Variants in ARFGEF2 observed in about 807,000 individuals in gnomAD.
ARFGEF2 encodes the protein brefeldin A-inhibited guanine nucleotide-exchange protein 2.
A neutral mutation model predicts 219.9 loss-of-function variants in ARFGEF2; 74 were observed. That is an observed-to-expected ratio of 0.34 (90% CI 0.28 to 0.41). ARFGEF2 has a LOEUF of 0.41. Among genes scored for constraint, ARFGEF2 ranks in the 10% least tolerant of loss-of-function variants. The pLI is 1.00. For missense variants in ARFGEF2, 1,743 were observed against 2,218.3 expected, an observed-to-expected ratio of 0.79 and a Z score of 4.30; for synonymous variants, 733 against 799.2, an observed-to-expected ratio of 0.92 and a Z score of 1.40.
intron 13 of ARFGEF2, among the ~76,000 whole-genome samples, 200 bp from the exon 14 acceptor site, chr20:48,975,816 T>C (rs754382352): frequency 9.7e-5 from 10 of 102,738 alleles, no homozygotes; most frequent in Non-Finnish European, 1.5e-4. Context: ...AAAAAAAGAA[T>C]TAGCTCATCA....
At chr20:48,997,950 C>G (rs749874190) in intron 23 of ARFGEF2, 1 of 495,460 alleles carries the variant, frequency 2.0e-6, no homozygotes, top group African/African-American at 1.9e-5. Flanking sequence ...TTCTGCCTCC[C>G]GAGTTCAAGC....
At chr20:48,994,336 C>T in intron 21 of ARFGEF2, 115 bp from the exon 22 acceptor site, 1 of 1,258,326 alleles carries the variant, frequency 7.9e-7, no homozygotes. Flanking sequence ...GCATAAACAT[C>T]TATATGGCAT....
At chr20:48,987,561 T>C (rs1400062331) in intron 16 of ARFGEF2, among the ~76,000 whole-genome samples, 1 of 152,138 alleles carries the variant, frequency 6.6e-6, no homozygotes, top group Non-Finnish European at 1.5e-5. Flanking sequence ...TCTAGCACAG[T>C]ACATGGCACA....
At chr20:48,960,853 A>G (rs1463397985) in intron 6 of ARFGEF2, among the ~76,000 whole-genome samples, 4 of 150,770 alleles carry the variant, frequency 2.7e-5, no homozygotes, top group African/African-American at 9.7e-5. Context: ...AGGCCGAGGC[A>G]GGCAGATCAC....
chr20:49,011,017 C>T (rs2091494427), intron 27 of ARFGEF2, among the ~76,000 whole-genome samples: 2 of 152,148 alleles, frequency 1.3e-5, no homozygotes, highest in Non-Finnish European at 1.5e-5. Context: ...GGTGATTTCA[C>T]TGTTTAAAAT....
chr20:49,000,208 A>G (rs2091417293), intron 25 of ARFGEF2, among the ~76,000 whole-genome samples: 1 of 152,242 alleles, frequency 6.6e-6, no homozygotes, highest in Non-Finnish European at 1.5e-5. Context: ...AACTTGGTGC[A>G]TCAGCTAATG....
At chr20:48,938,968 TTTTTTTTGTTTG>T (rs1424444926) in intron 1 of ARFGEF2, among the ~76,000 whole-genome samples, 1 of 145,380 alleles carries the variant, frequency 6.9e-6, no homozygotes, top group South Asian at 2.3e-4. Flanking sequence ...GTTTTATGGG[TTTTTTTTGTTTG>T]TTTTTTTTTT....
chr20:48,971,420 CAATATT>C, intron 10 of ARFGEF2, 66 bp downstream of exon 10: 1 of 1,202,160 alleles, frequency 8.3e-7, no homozygotes, highest in Non-Finnish European at 1.2e-6. Context: ...TTATAATACT[CAATATT>C]GAGAATGCTG....
chr20:48,935,317 A>G (rs1487036008), intron 1 of ARFGEF2, among the ~76,000 whole-genome samples: 2 of 152,160 alleles, frequency 1.3e-5, no homozygotes, highest in African/African-American at 4.8e-5. Context: ...GCTGCCTTCA[A>G]GCATCTGTTT....
chr20:48,925,176 G>C (rs1657743434), intron 1 of ARFGEF2, among the ~76,000 whole-genome samples: 1 of 152,214 alleles, frequency 6.6e-6, no homozygotes, highest in African/African-American at 2.4e-5. Context: ...TGATGGAGCA[G>C]ATTTGGAGTA....
At chr20:49,001,024 A>G (rs1419801789) in intron 25 of ARFGEF2, among the ~76,000 whole-genome samples, 1 of 147,776 alleles carries the variant, frequency 6.8e-6, no homozygotes, top group African/African-American at 2.5e-5. Context: ...AGTGCTGTTT[A>G]AGCACCAGGT....
intron 1 of ARFGEF2, among the ~76,000 whole-genome samples, chr20:48,928,579 C>T (rs1375687162): frequency 2.0e-5 from 3 of 149,924 alleles, no homozygotes; most frequent in Non-Finnish European, 4.4e-5. Flanking sequence ...ACTGCAAGCT[C>T]TGCCTCCTGG....
Position 49,010,329 on chromosome 20 carries a change from G to T in ARFGEF2, c.3682G>T (p.Val1228Leu). Residue 1228 changes from valine to leucine, a missense_variant, in exon 27 of 39, where the codon GTG becomes TTG. Around this residue, in one of 5 missense-constraint regions of ARFGEF2, gnomAD observed 102 missense variants for 146.8 expected, o/e 0.69. Coordinates refer to ENST00000371917, the MANE Select transcript of ARFGEF2 (RefSeq NM_006420.3). ...CTCAGGTTGGAAGAACATCTTTGCC[G>T]TGTTCCACCAGGCAGCCTCTGATCA... ...IRSGWKNIFA[V>L]FHQAASDHDG... 6.2e-7 allele frequency: 1 copy of T among 1,614,142 alleles called. No individual in the cohort carries two copies. Among genetic ancestry groups the T allele is most frequent in the Non-Finnish European group, 8.5e-7 (1 of 1,179,994 alleles).
intron 21 of ARFGEF2, among the ~76,000 whole-genome samples, 155 bp downstream of exon 21, chr20:48,991,353 C>T (rs2091356406): frequency 6.6e-6 from 1 of 152,088 alleles, no homozygotes. Context: ...CTGTGAAAGG[C>T]GGGGGCGAGT....
intron 1 of ARFGEF2, among the ~76,000 whole-genome samples, chr20:48,922,673 T>G (rs910702044): frequency 1.3e-5 from 2 of 152,242 alleles, no homozygotes; most frequent in Non-Finnish European, 2.9e-5. Context: ...GCACAGTAGG[T>G]GCTCGATAAA....
intron 37 of ARFGEF2, among the ~76,000 whole-genome samples, chr20:49,029,475 G>A (rs2123578399): frequency 6.6e-6 from 1 of 152,228 alleles, no homozygotes; most frequent in Middle Eastern, 3.4e-3. Flanking sequence ...AATACCACAT[G>A]GAATATTCAC....
intron 1 of ARFGEF2, among the ~76,000 whole-genome samples, chr20:48,933,977 G>A (rs1019320404): frequency 3.9e-5 from 6 of 151,924 alleles, no homozygotes; most frequent in East Asian, 1.9e-4. Flanking sequence ...AAAATTAACC[G>A]GGCATGGTGG....
At chr20:48,969,513 A>C (rs1232497755) in intron 9 of ARFGEF2, among the ~76,000 whole-genome samples, 7 of 152,224 alleles carry the variant, frequency 4.6e-5, no homozygotes, top group Admixed American at 6.5e-5. Flanking sequence ...TTCTTGGCAT[A>C]TGAATGCTAA....
intron 1 of ARFGEF2, among the ~76,000 whole-genome samples, chr20:48,936,919 C>T (rs992152777): frequency 1.3e-5 from 2 of 152,102 alleles, no homozygotes; most frequent in Non-Finnish European, 2.9e-5. Flanking sequence ...AGTGTCTGTT[C>T]ATATCCTTCG....
Sources: gnomAD v4.1 joint callset for allele counts (sites outside exome capture counted in the v4.1 genomes callset) on GRCh38, gnomAD v4.1.1 for gene constraint, gnomAD v4.1.1 regional missense constraint, MANE v1.5 for transcripts, NCBI Gene and HGNC (gene_info 2026-07-23, HGNC 2026-07-21) for gene names.